Variants in NOVA1 observed in about 807,000 individuals in gnomAD.
The protein encoded by NOVA1 is RNA-binding protein Nova-1.
Under a neutral mutation model 38.0 loss-of-function variants are expected in NOVA1, and 7 were observed. The ratio of observed to expected loss-of-function variants is 0.18; its 90% CI spans 0.10 to 0.35. The LOEUF (loss-of-function observed/expected upper bound fraction) is 0.35, where lower values mean the gene tolerates loss of function less well. Among genes scored for constraint, NOVA1 ranks in the 10% least tolerant of loss-of-function variants. The pLI, the probability that NOVA1 is intolerant of heterozygous loss-of-function variation, is 1.00. For synonymous variants in NOVA1, 270 were observed against 232.5 expected (o/e 1.16, Z -1.47); for missense variants, 460 against 616.0 (o/e 0.75, Z 2.68).
chr14:26,505,257 C>CA (rs1052313739), intron 2 of NOVA1, among the ~76,000 whole-genome samples: 6 of 152,086 alleles, frequency 3.9e-5, no homozygotes, highest in African/African-American at 1.2e-4. Flanking sequence ...TGGCCCGACC[C>CA]AAATCTCACC....
chr14:26,488,680 A>AT (rs1179461204), intron 2 of NOVA1, among the ~76,000 whole-genome samples: 1 of 152,154 alleles, frequency 6.6e-6, no homozygotes, highest in Non-Finnish European at 1.5e-5. Context: ...TAACCTTTTA[A>AT]TTTCCACAAT....
At chr14:26,529,698 A>G (rs776817649) in intron 2 of NOVA1, among the ~76,000 whole-genome samples, 2 of 151,978 alleles carry the variant, frequency 1.3e-5, no homozygotes, top group Non-Finnish European at 2.9e-5. Context: ...TTTTTGCCTC[A>G]CTCTTCCTAA....
chr14:26,556,033 T>G (rs981912718), intron 2 of NOVA1, among the ~76,000 whole-genome samples: 2 of 152,304 alleles, frequency 1.3e-5, no homozygotes, highest in Admixed American at 1.3e-4. Context: ...ACCTATTTCA[T>G]GTACTCAGAG....
intron 2 of NOVA1, among the ~76,000 whole-genome samples, chr14:26,489,460 G>A (rs957393548): frequency 6.6e-5 from 10 of 151,264 alleles, no homozygotes; most frequent in East Asian, 1.9e-4. Context: ...GACTATAGTC[G>A]GAAAAACAAC....
chr14:26,541,389 C>T (rs963336639), intron 2 of NOVA1, among the ~76,000 whole-genome samples: 13 of 151,030 alleles, frequency 8.6e-5, no homozygotes, highest in African/African-American at 2.4e-4. Context: ...TTAACTGGAC[C>T]CACTAAAAGA....
rs1270584675 is a variant in NOVA1 at position 26,513,174 on chromosome 14, TA to T, written c.281-33032del. 3.9e-5 allele frequency among the ~76,000 whole-genome samples: 6 copies of T among 152,122 alleles called. No homozygotes were observed. The East Asian group carries it at 1.2e-3, about 29-fold the overall frequency. ...ACAAAATGATCCTATAATGTTCTTA[TA>T]AAAGCGATTCAGCATTTAGCAGAAA... On this transcript the variant is annotated intron_variant, in intron 2 of 4. Coordinates refer to ENST00000539517, the MANE Select transcript of NOVA1 (RefSeq NM_002515.3).
At chr14:26,462,990 G>A (rs1417326448) in intron 4 of NOVA1, among the ~76,000 whole-genome samples, 4 of 152,088 alleles carry the variant, frequency 2.6e-5, no homozygotes, top group African/African-American at 9.7e-5. Flanking sequence ...CATGAACAAA[G>A]TTCTTTGACT....
At chr14:26,538,731 C>T (rs940599676) in intron 2 of NOVA1, among the ~76,000 whole-genome samples, 2 of 152,044 alleles carry the variant, frequency 1.3e-5, no homozygotes, top group Non-Finnish European at 2.9e-5. Flanking sequence ...AACTAATTTC[C>T]TCAGTGTTAA....
chr14:26,511,564 C>T (rs1372096945), intron 2 of NOVA1, among the ~76,000 whole-genome samples: 2 of 151,904 alleles, frequency 1.3e-5, no homozygotes, highest in African/African-American at 4.8e-5. Flanking sequence ...TCATCCTGGC[C>T]AACATGGTGA....
chr14:26,528,281 G>A (rs1366321293), intron 2 of NOVA1, among the ~76,000 whole-genome samples: 1 of 152,066 alleles, frequency 6.6e-6, no homozygotes, highest in Non-Finnish European at 1.5e-5. Context: ...TAGGCAGTTA[G>A]GGATAATCAT....
At chr14:26,509,224 G>C (rs1887870818) in intron 2 of NOVA1, among the ~76,000 whole-genome samples, 1 of 152,086 alleles carries the variant, frequency 6.6e-6, no homozygotes, top group Admixed American at 6.6e-5. Flanking sequence ...CTACATTAAT[G>C]TGTGTGAGTT....
chr14:26,572,574 G>C (rs1892548127), intron 2 of NOVA1, among the ~76,000 whole-genome samples: 1 of 152,092 alleles, frequency 6.6e-6, no homozygotes, highest in South Asian at 2.1e-4. Flanking sequence ...AGTCTAGTGA[G>C]CTAGAAAAGA....
chr14:26,479,945 AT>A, intron 3 of NOVA1, 31 bp downstream of exon 3: 1 of 1,608,850 alleles, frequency 6.2e-7, no homozygotes, highest in African/African-American at 1.3e-5. Flanking sequence ...TGCTGTGGAT[AT>A]TTCTCTTTGA....
chr14:26,569,486 G>T (rs1892340635), intron 2 of NOVA1, among the ~76,000 whole-genome samples: 1 of 152,084 alleles, frequency 6.6e-6, no homozygotes, highest in South Asian at 2.1e-4. Context: ...CAACAAACCA[G>T]ACCATTAAAA....
Position 26,446,905 on chromosome 14 carries a change from C to T in NOVA1, c.*1054G>A, listed in dbSNP as rs1433311297. On this transcript the variant is annotated 3_prime_UTR_variant, in exon 5 of 5. Coordinates refer to ENST00000539517, the MANE Select transcript of NOVA1 (RefSeq NM_002515.3). ...TATTAGAAACTGCATTGGCTGCTAG[C>T]GCCATGCTGCAAAGACTCCATCATG... 1.3e-5 allele frequency: 2 copies of T among 152,750 alleles called. No individual in the cohort carries two copies. Among genetic ancestry groups the T allele is most frequent in the South Asian group, 2.1e-4 (1 of 4,828 alleles). The allele number at this position is 152,750 out of a possible 1,614,324, so 9.5% of individuals were successfully genotyped here.
chr14:26,535,938 C>T (rs1594487404), intron 2 of NOVA1, among the ~76,000 whole-genome samples: 1 of 148,544 alleles, frequency 6.7e-6, no homozygotes, highest in East Asian at 2.0e-4. Context: ...GAGATCACTC[C>T]ACTGCACTCC....
intron 4 of NOVA1, among the ~76,000 whole-genome samples, chr14:26,457,185 AG>A (rs1378150534): frequency 6.6e-6 from 1 of 150,998 alleles, no homozygotes; most frequent in African/African-American, 2.4e-5. Flanking sequence ...ATCCTCCAAA[AG>A]TAGAACAATT....
chr14:26,494,010 G>C (rs1264898194), intron 2 of NOVA1, among the ~76,000 whole-genome samples: 1 of 152,134 alleles, frequency 6.6e-6, no homozygotes, highest in African/African-American at 2.4e-5. Flanking sequence ...CTTCCTCTAA[G>C]AGACTGCTAT....
At chr14:26,498,302 G>A (rs1041528886) in intron 2 of NOVA1, among the ~76,000 whole-genome samples, 7 of 151,632 alleles carry the variant, frequency 4.6e-5, no homozygotes, top group South Asian at 2.1e-4. Flanking sequence ...TCCTAACCTC[G>A]TGATCCGCCC....
Sources: allele counts gnomAD v4.1 joint callset (sites outside exome capture counted in the v4.1 genomes callset), GRCh38; gene constraint gnomAD v4.1.1; transcripts MANE v1.5; gene names NCBI Gene and HGNC (gene_info 2026-07-23, HGNC 2026-07-21).